Variants in STARD13 observed in about 807,000 individuals in gnomAD.
The protein encoded by STARD13 is StAR related lipid transfer domain containing 13, also known as stAR-related lipid transfer protein 13.
In STARD13, 62 loss-of-function variants were observed where a neutral mutation model predicts 106.4. The ratio of observed to expected loss-of-function variants is 0.58; its 90% CI spans 0.48 to 0.72. The LOEUF (loss-of-function observed/expected upper bound fraction) is 0.72. STARD13 is among the 30% of genes least tolerant of loss of function. The probability of loss-of-function intolerance (pLI) is 0.00; values close to 1 mark genes in which losing one functional copy is unlikely to be tolerated. For synonymous variants in STARD13, 565 were observed against 553.0 expected, an observed-to-expected ratio of 1.02 and a Z score of -0.31; for missense variants, 1,387 against 1,424.0, an observed-to-expected ratio of 0.97 and a Z score of 0.42.
intron 4 of STARD13, among the ~76,000 whole-genome samples, chr13:33,134,716 T>G (rs1337438674): frequency 6.6e-6 from 1 of 152,200 alleles, no homozygotes; most frequent in Non-Finnish European, 1.5e-5. Flanking sequence ...CTAGTTATTG[T>G]TGTTAGAGAA....
At chr13:33,494,474 C>A in the STARD13 span, among the ~76,000 whole-genome samples, 4 of 152,140 alleles carry the variant, frequency 2.6e-5, no homozygotes, top group Admixed American at 1.3e-4. Flanking sequence ...ACTTGCAAGA[C>A]GAAATGGGCG....
downstream of STARD13, among the ~76,000 whole-genome samples, chr13:33,346,688 G>A (rs2078020504): frequency 2.0e-5 from 3 of 151,936 alleles, no homozygotes; most frequent in Admixed American, 6.6e-5. Context: ...GGGGTGCAGT[G>A]GTGCAATCTC....
chr13:33,568,992 C>A, the STARD13 span, among the ~76,000 whole-genome samples: 1 of 147,834 alleles, frequency 6.8e-6, no homozygotes, highest in African/African-American at 2.5e-5. Context: ...ACAAATATGA[C>A]AGTACAGGAG....
At chr13:33,173,334 C>T (rs927018154) in intron 1 of STARD13, among the ~76,000 whole-genome samples, 1 of 152,176 alleles carries the variant, frequency 6.6e-6, no homozygotes, top group African/African-American at 2.4e-5. Flanking sequence ...TACATTAAGC[C>T]AGTTTTGTTA....
At chr13:33,676,011 A>G in the STARD13 span, among the ~76,000 whole-genome samples, 195 of 152,320 alleles carry the variant, frequency 1.3e-3, no homozygotes, top group African/African-American at 4.4e-3. Context: ...TGCCTTCTAT[A>G]TTGTTGAACT....
the STARD13 span, among the ~76,000 whole-genome samples, chr13:33,573,501 CAGAT>C: frequency 6.6e-6 from 1 of 152,062 alleles, no homozygotes. Flanking sequence ...GTGGACTAGA[CAGAT>C]AACACAAATT....
the STARD13 span, among the ~76,000 whole-genome samples, chr13:33,474,711 GA>G: frequency 6.6e-6 from 1 of 152,136 alleles, no homozygotes; most frequent in Non-Finnish European, 1.5e-5. Flanking sequence ...TGAGACATCA[GA>G]GTTTGGAAGA....
At position 33,163,178 on chromosome 13, in the gene STARD13, C is replaced by T. The variant is rs571985458; in HGVS notation, c.323+2159G>A. On this transcript the variant is annotated intron_variant, in intron 3 of 13. Coordinates refer to ENST00000336934, the MANE Select transcript of STARD13 (RefSeq NM_178006.4). ...ACCATGAGAACAGTATGGAGGAAACCGCCCTCATGATTCAAATTATCTCTC... is the reference window on the plus strand; with the variant it reads ...ACCATGAGAACAGTATGGAGGAAACTGCCCTCATGATTCAAATTATCTCTC... Among the ~76,000 whole-genome samples, 30 of 152,182 alleles carry T rather than the reference C, an allele frequency of 2.0e-4. 1 individual carries two copies. Among genetic ancestry groups the T allele is most frequent in the African/African-American group, 5.8e-4 (24 of 41,502 alleles).
chr13:33,176,824 A>G (rs1884567056), intron 1 of STARD13, among the ~76,000 whole-genome samples: 1 of 152,240 alleles, frequency 6.6e-6, no homozygotes, highest in East Asian at 1.9e-4. Flanking sequence ...TAAACATGCC[A>G]CAAATGTAAT....
chr13:33,414,822 G>A, the STARD13 span, among the ~76,000 whole-genome samples: 1 of 151,940 alleles, frequency 6.6e-6, no homozygotes, highest in South Asian at 2.1e-4. Flanking sequence ...AGAATTATTA[G>A]GATCAATATT....
intron 1 of STARD13, among the ~76,000 whole-genome samples, chr13:33,178,992 G>T (rs1457404038): frequency 6.6e-6 from 1 of 152,164 alleles, no homozygotes; most frequent in Non-Finnish European, 1.5e-5. Context: ...TTTAAGGCAA[G>T]ACTACTTTTG....
the STARD13 span, among the ~76,000 whole-genome samples, chr13:33,635,913 G>A: frequency 1.3e-5 from 2 of 151,938 alleles, no homozygotes; most frequent in Non-Finnish European, 2.9e-5. Context: ...GAACCCGGGA[G>A]GCAGAGCTTG....
At chr13:33,125,250 C>A (rs1415829887) in intron 7 of STARD13, among the ~76,000 whole-genome samples, 2 of 152,150 alleles carry the variant, frequency 1.3e-5, no homozygotes, top group East Asian at 3.8e-4. Flanking sequence ...TGCATGGCAT[C>A]AAAAAGTATG....
At chr13:33,146,404 A>G (rs1880548418) in intron 3 of STARD13, among the ~76,000 whole-genome samples, 1 of 152,114 alleles carries the variant, frequency 6.6e-6, no homozygotes, top group South Asian at 2.1e-4. Flanking sequence ...GGATCACTTG[A>G]GCCTGGGAGG....
rs1878020919 is a variant in STARD13, at chr13:33,130,003, G to T, written c.674C>A (p.Ala225Asp). The T allele has an allele frequency of 3.1e-6, 5 of 1,612,862 alleles. No individual in the cohort carries two copies. The change falls in exon 5 of 14, where the codon GCC (alanine) becomes GAC (aspartate). Residue 225 changes from alanine to aspartate, a missense_variant. Coordinates refer to ENST00000336934, the MANE Select transcript of STARD13 (RefSeq NM_178006.4). This position sits in a 1 kb window ranked among gnomAD's most constrained non-coding sequence, Gnocchi z 4.1. The stretch of plus-strand genomic sequence containing the variant: ...TGGGAGGCTGCTGCTGACGAGTGGG[G>T]CATCCAGCATGACCGGGTTGTCTGT... ...CCTDNPVMLDAPLVSSSLPQP... is the reference protein window; with the variant it reads ...CCTDNPVMLDDPLVSSSLPQP...
chr13:33,588,056 C>G, the STARD13 span, among the ~76,000 whole-genome samples: 3 of 152,084 alleles, frequency 2.0e-5, no homozygotes, highest in Non-Finnish European at 2.9e-5. Flanking sequence ...GAGAATTCTC[C>G]TAAATCTTCT....
chr13:33,571,284 A>G, the STARD13 span, among the ~76,000 whole-genome samples: 2 of 152,184 alleles, frequency 1.3e-5, no homozygotes, highest in Admixed American at 6.5e-5. Flanking sequence ...CCCTATCACA[A>G]TTATCAAAGT....
rs577586869 is a variant in STARD13, at chr13:33,112,875, C to T, written c.2338G>A (p.Asp780Asn). The change falls in exon 9 of 14, where the codon GAT (aspartate) becomes AAT (asparagine). Residue 780 changes from aspartate (D) to asparagine (N), a missense_variant. Asp to Asn is a conservative substitution (Grantham distance 23). Transcript: ENST00000336934. The stretch of plus-strand genomic sequence containing the variant: ...GTCTGCAGGACCTCCCTGTTCTCAT[C>T]GGCCAGTAGCAGGATGGCAGCCTGC... Reference protein sequence around the residue: ...AVQAAILLLADENREVLQTLL... With the variant: ...AVQAAILLLANENREVLQTLL... 558 of 1,613,746 alleles carry T rather than the reference C, an allele frequency of 3.5e-4. 6 individuals are homozygous for T. In the South Asian group the frequency reaches 5.7e-3, roughly 17 times the overall value.
At chr13:33,166,437 T>C (rs1883321095) in intron 2 of STARD13, among the ~76,000 whole-genome samples, 1 of 152,120 alleles carries the variant, frequency 6.6e-6, no homozygotes, top group Admixed American at 6.5e-5. Flanking sequence ...TTTGGGCTCA[T>C]GGTAGTGACA....
Sources: gnomAD v4.1 joint callset for allele counts (sites outside exome capture counted in the v4.1 genomes callset) on GRCh38, gnomAD v4.1.1 for gene constraint, Gnocchi (gnomAD v3.1) non-coding constraint, MANE v1.5 for transcripts, NCBI Gene and HGNC (gene_info 2026-07-23, HGNC 2026-07-21) for gene names.